SMYD3: variants seen among roughly 807,000 people sequenced by gnomAD.
SMYD3 encodes the protein SET and MYND domain containing 3.
SMYD3 carries 36 observed loss-of-function variants against 57.7 expected under a neutral mutation model. The observed-to-expected ratio is 0.62, with a 90% CI of 0.48 to 0.82. SMYD3 has a LOEUF of 0.82. Ranked by LOEUF, SMYD3 falls within the 40% of genes least tolerant of loss-of-function variation. The pLI is 0.00. For synonymous variants in SMYD3, 211 were observed against 195.0 expected (o/e 1.08, Z -0.68); for missense variants, 515 against 538.8 (o/e 0.96, Z 0.44).
At chr1:246,365,847 C>G (rs529147177) in intron 1 of SMYD3, among the ~76,000 whole-genome samples, 41 of 152,264 alleles carry the variant, frequency 2.7e-4, no homozygotes, top group Admixed American at 1.3e-4. Flanking sequence ...AATGCCAAGC[C>G]AATCTGAGAA....
rs111689254 is a variant in SMYD3 at position 246,174,879 on chromosome 1, G to T, written c.531+152322C>A. On this transcript the variant is annotated intron_variant, in intron 5 of 11. Transcript: ENST00000490107. ...CACCTGATAAACTGAAATAACGTTTGCTCTGATCACCAGTCGATGAATCTC... is the reference window on the plus strand; with the variant it reads ...CACCTGATAAACTGAAATAACGTTTTCTCTGATCACCAGTCGATGAATCTC... 1.6e-3 allele frequency among the ~76,000 whole-genome samples: 247 copies of T among 152,204 alleles called. 1 individual carries two copies. The highest frequency in any genetic ancestry group is 5.5e-3 in the African/African-American group (229 of 41,522).
intron 5 of SMYD3, among the ~76,000 whole-genome samples, chr1:246,114,175 C>T (rs781734325): frequency 1.6e-4 from 24 of 152,186 alleles, no homozygotes; most frequent in African/African-American, 3.1e-4. Flanking sequence ...TTTCCGTGTC[C>T]AGCCAGGATG....
At chr1:246,174,402 C>T (rs1205967896) in intron 5 of SMYD3, among the ~76,000 whole-genome samples, 1 of 152,132 alleles carries the variant, frequency 6.6e-6, no homozygotes, top group African/African-American at 2.4e-5. Flanking sequence ...CCATCCTTAA[C>T]CAAAACATCA....
At chr1:245,857,256 C>G (rs960831233) in intron 10 of SMYD3, among the ~76,000 whole-genome samples, 1 of 152,228 alleles carries the variant, frequency 6.6e-6, no homozygotes, top group Non-Finnish European at 1.5e-5. Flanking sequence ...ATCCGCCTGG[C>G]TGGTGGAGCC....
intron 5 of SMYD3, among the ~76,000 whole-genome samples, chr1:245,939,145 T>TA (rs1356806202): frequency 4.3e-5 from 6 of 139,758 alleles, no homozygotes; most frequent in East Asian, 4.8e-4. Flanking sequence ...TCCATCTCAA[T>TA]AAAAAAAATT....
intron 5 of SMYD3, among the ~76,000 whole-genome samples, chr1:246,083,510 G>GGCGCGAGTCCTCCGTATGCTGA (rs2060676132): frequency 7.0e-6 from 1 of 142,016 alleles, no homozygotes; most frequent in African/African-American, 2.9e-5. Flanking sequence ...GGCTGGTGCC[G>GGCGCGAGTCCTCCGTATGCTGA]GCGCGGGTCC....
At chr1:246,276,145 C>T (rs1342916292) in intron 5 of SMYD3, among the ~76,000 whole-genome samples, 2 of 116,630 alleles carry the variant, frequency 1.7e-5, no homozygotes, top group African/African-American at 3.0e-5. Context: ...TATTTAATGT[C>T]TGTAGTGGAG....
chr1:246,283,586 AT>A (rs1269905394), intron 5 of SMYD3, among the ~76,000 whole-genome samples: 1 of 152,218 alleles, frequency 6.6e-6, no homozygotes, highest in African/African-American at 2.4e-5. Flanking sequence ...TGTATGTTTA[AT>A]TACAGTAACT....
At chr1:245,883,585 C>G (rs4654150) in intron 8 of SMYD3, among the ~76,000 whole-genome samples, 151,914 of 152,276 alleles carry the variant, frequency 1, 75,779 homozygotes, top group Middle Eastern at 1. Context: ...CTTTTGGGGT[C>G]CCAACGCTAA....
At chr1:245,966,847 ACTC>A (rs1313798197) in intron 5 of SMYD3, among the ~76,000 whole-genome samples, 2 of 151,426 alleles carry the variant, frequency 1.3e-5, no homozygotes, top group African/African-American at 4.9e-5. Context: ...TCTTTCAAAT[ACTC>A]CTTTTCTTTT....
chr1:245,922,802 A>C (rs2056073322), intron 7 of SMYD3, among the ~76,000 whole-genome samples: 2 of 152,348 alleles, frequency 1.3e-5, no homozygotes, highest in South Asian at 4.1e-4. Context: ...TAGTAAGTGT[A>C]GCACTGAACA....
At chr1:245,754,247 TCTC>T (rs1456746723) in intron 11 of SMYD3, among the ~76,000 whole-genome samples, 1 of 152,002 alleles carries the variant, frequency 6.6e-6, no homozygotes, top group Non-Finnish European at 1.5e-5. Flanking sequence ...ACAATATACC[TCTC>T]CTATTAATTT....
At chr1:246,119,288 A>C (rs1371758190) in intron 5 of SMYD3, among the ~76,000 whole-genome samples, 1 of 152,082 alleles carries the variant, frequency 6.6e-6, no homozygotes, top group African/African-American at 2.4e-5. Context: ...ATGAGCCATC[A>C]CACCCAGCCA....
chr1:245,978,070 T>C (rs530112555), intron 5 of SMYD3, among the ~76,000 whole-genome samples: 1 of 152,342 alleles, frequency 6.6e-6, no homozygotes, highest in South Asian at 2.1e-4. Flanking sequence ...TTATCATCAC[T>C]ATACACCAGC....
intron 8 of SMYD3, among the ~76,000 whole-genome samples, chr1:245,906,853 A>C (rs1023481528): frequency 3.9e-5 from 6 of 152,360 alleles, no homozygotes; most frequent in Non-Finnish European, 7.3e-5. Context: ...CATGGATGGA[A>C]ATGAAGGTTA....
At chr1:246,170,381 TA>T (rs1354591016) in intron 5 of SMYD3, among the ~76,000 whole-genome samples, 1 of 150,854 alleles carries the variant, frequency 6.6e-6, no homozygotes, top group East Asian at 1.9e-4. Flanking sequence ...CATTTATTTA[TA>T]ATTCATTTAA....
rs188036671 is a variant in SMYD3 at position 246,311,648 on chromosome 1, C to T, written c.531+15553G>A. Among the ~76,000 whole-genome samples, 178 of 152,318 alleles carry T rather than the reference C, an allele frequency of 1.2e-3. 2 individuals are homozygous for T. Among genetic ancestry groups the T allele is most frequent in the African/African-American group, 4.0e-3 (168 of 41,580 alleles). On this transcript the variant is annotated intron_variant, in intron 5 of 11. Transcript: ENST00000490107. Reference sequence around the variant, plus strand: ...CACACGCACACGCGTGACACGCATACACACACGCGCACGCGCGCACACACA... The same window carrying T: ...CACACGCACACGCGTGACACGCATATACACACGCGCACGCGCGCACACACA...
At chr1:245,762,774 C>T (rs1348676565) in intron 11 of SMYD3, among the ~76,000 whole-genome samples, 4 of 152,208 alleles carry the variant, frequency 2.6e-5, no homozygotes, top group Non-Finnish European at 5.9e-5. Flanking sequence ...CTCTTAGGTC[C>T]ATGTGGGCGG....
In SMYD3 at chr1:246,355,110, T is replaced by A; in HGVS notation, c.165-16A>T. 6.2e-7 allele frequency: 1 copy of A among 1,613,428 alleles called. No individual in the cohort carries two copies. Among genetic ancestry groups the A allele is most frequent in the Admixed American group, 1.7e-5 (1 of 60,008 alleles). The stretch of plus-strand genomic sequence containing the variant: ...CTTTTCCTTCCTGTGGGGAAAAAAA[T>A]TAATTCTGCATTAAGAAATGAGTGG... On this transcript the variant is annotated splice_polypyrimidine_tract_variant and intron_variant, in intron 1 of 11. Transcript: ENST00000490107. This position sits in a 1 kb window ranked among gnomAD's most constrained non-coding sequence, Gnocchi z 5.0.
Sources: allele counts gnomAD v4.1 joint callset (sites outside exome capture counted in the v4.1 genomes callset), GRCh38; gene constraint gnomAD v4.1.1; non-coding constraint Gnocchi (gnomAD v3.1); transcripts MANE v1.5; gene names NCBI Gene and HGNC (gene_info 2026-07-23, HGNC 2026-07-21).